FNDC3B: variants seen among roughly 807,000 people sequenced by gnomAD.
FNDC3B encodes fibronectin type III domain-containing protein 3B.
FNDC3B carries 12 observed loss-of-function variants against 151.5 expected under a neutral mutation model. The ratio of observed to expected loss-of-function variants is 0.08; its 90% CI spans 0.05 to 0.13. FNDC3B has a LOEUF of 0.13. Among genes scored for constraint, FNDC3B ranks in the 10% least tolerant of loss-of-function variants. The probability of loss-of-function intolerance (pLI) is 1.00; values close to 1 mark genes in which losing one functional copy is unlikely to be tolerated. For synonymous variants in FNDC3B, 528 were observed against 549.0 expected (o/e 0.96, Z 0.54); for missense variants, 1,214 against 1,505.3 (o/e 0.81, Z 3.20).
At chr3:172,362,869 C>G in intron 23 of FNDC3B, 24 bp downstream of exon 23, 1 of 1,561,848 alleles carries the variant, frequency 6.4e-7, no homozygotes, top group Non-Finnish European at 8.8e-7. Flanking sequence ...GAGGATGCTC[C>G]TGAAGCTTCT....
At chr3:172,120,584 G>A (rs1013234179) in intron 2 of FNDC3B, among the ~76,000 whole-genome samples, 4 of 151,744 alleles carry the variant, frequency 2.6e-5, no homozygotes, top group Non-Finnish European at 1.5e-5. Flanking sequence ...GGGTGTGTGT[G>A]TTGTTTTTGT....
At chr3:172,044,951 T>A (rs975821128) in intron 1 of FNDC3B, among the ~76,000 whole-genome samples, 1 of 152,212 alleles carries the variant, frequency 6.6e-6, no homozygotes, top group East Asian at 1.9e-4. Context: ...TCTAGCTGGG[T>A]CCTTGATAAG....
At chr3:172,178,593 T>C (rs1723727292) in intron 3 of FNDC3B, among the ~76,000 whole-genome samples, 1 of 151,962 alleles carries the variant, frequency 6.6e-6, no homozygotes, top group African/African-American at 2.4e-5. Context: ...GCTATGGGGG[T>C]AGCAGGAAAA....
At chr3:172,305,530 A>T (rs1197696085) in intron 9 of FNDC3B, among the ~76,000 whole-genome samples, 1 of 152,218 alleles carries the variant, frequency 6.6e-6, no homozygotes, top group Admixed American at 6.5e-5. Context: ...GTTTAATCAG[A>T]TACAGGTTCA....
At chr3:172,251,166 T>G (rs1315673911) in intron 5 of FNDC3B, 94 bp from the exon 6 acceptor site, 8 of 991,162 alleles carry the variant, frequency 8.1e-6, no homozygotes, top group Non-Finnish European at 1.2e-5. Flanking sequence ...CTTTATACTT[T>G]AGACTTCTTC....
chr3:172,229,628 A>G (rs1240621725), intron 4 of FNDC3B, among the ~76,000 whole-genome samples: 2 of 152,200 alleles, frequency 1.3e-5, no homozygotes, highest in Non-Finnish European at 2.9e-5. Flanking sequence ...GTCATCACCA[A>G]GAACTCATAT....
intron 3 of FNDC3B, among the ~76,000 whole-genome samples, chr3:172,224,802 C>T (rs1726467841): frequency 6.6e-6 from 1 of 152,186 alleles, no homozygotes; most frequent in African/African-American, 2.4e-5. Flanking sequence ...AGCAAATAAA[C>T]AATGCAAGGC....
chr3:172,385,536 A>G (rs989490335), intron 25 of FNDC3B, among the ~76,000 whole-genome samples: 1 of 151,732 alleles, frequency 6.6e-6, no homozygotes, highest in East Asian at 1.9e-4. Flanking sequence ...TAATAGGATA[A>G]TATCCTTTTC....
chr3:172,228,345 T>C (rs1726699774), intron 4 of FNDC3B, among the ~76,000 whole-genome samples: 1 of 152,220 alleles, frequency 6.6e-6, no homozygotes, highest in African/African-American at 2.4e-5. Context: ...AAGCATTTCA[T>C]TCCATTGAAT....
intron 2 of FNDC3B, among the ~76,000 whole-genome samples, chr3:172,130,529 G>C (rs924482299): frequency 1.8e-4 from 27 of 152,208 alleles, no homozygotes; most frequent in Admixed American, 5.2e-4. Context: ...GTAAGCAGGG[G>C]GGGAAGGTAT....
chr3:172,301,719 A>G (rs1730919468), intron 9 of FNDC3B: 1 of 152,192 alleles, frequency 6.6e-6, no homozygotes, highest in African/African-American at 2.4e-5. Flanking sequence ...TTAGCTGGGT[A>G]TGGTGATGTA....
At chr3:172,080,293 CAG>C (rs1175427348) in intron 1 of FNDC3B, among the ~76,000 whole-genome samples, 2 of 151,938 alleles carry the variant, frequency 1.3e-5, no homozygotes, top group East Asian at 1.9e-4. Flanking sequence ...TTTTAAGAGA[CAG>C]AGTCTTGCTT....
At chr3:172,149,434 G>A (rs1416269616) in intron 3 of FNDC3B, among the ~76,000 whole-genome samples, 1 of 152,182 alleles carries the variant, frequency 6.6e-6, no homozygotes, top group Non-Finnish European at 1.5e-5. Context: ...CTTAAAATAA[G>A]AGGATTAGAA....
chr3:172,376,862 AAAAG>A lies in FNDC3B; in HGVS notation c.3009-1400_3009-1397del, dbSNP rs1020038408. ...GACAGGCTTTGTTAAAAAAAAAAAA[AAAAG>A]AAAGAAAAGAAAAGAAAAAGAAAAG... On this transcript the variant is annotated intron_variant, in intron 23 of 25. Transcript: ENST00000415807. Among the ~76,000 whole-genome samples the A allele has an allele frequency of 5.7e-3, 483 of 84,914 alleles. 1 individual carries two copies. Among genetic ancestry groups the A allele is most frequent in the African/African-American group, 9.0e-3 (203 of 22,446 alleles). The allele number at this position is 84,914 out of a possible 152,430, so 55.7% of individuals were successfully genotyped here.
At chr3:172,336,920 A>C (rs1037351801) in intron 15 of FNDC3B, among the ~76,000 whole-genome samples, 27 of 152,238 alleles carry the variant, frequency 1.8e-4, no homozygotes, top group African/African-American at 6.5e-4. Context: ...AAAAAAAAAA[A>C]AACAAAAGAA....
chr3:172,363,253 A>T (rs902193754), intron 23 of FNDC3B, among the ~76,000 whole-genome samples: 2 of 152,214 alleles, frequency 1.3e-5, no homozygotes, highest in African/African-American at 2.4e-5. Context: ...CATGTTTACC[A>T]ATGTGAAATA....
At chr3:172,046,564 C>G (rs570331823) in intron 1 of FNDC3B, among the ~76,000 whole-genome samples, 7 of 152,056 alleles carry the variant, frequency 4.6e-5, no homozygotes, top group Admixed American at 2.6e-4. Flanking sequence ...TTGAAGCAAT[C>G]CCCCCGCTTC....
intron 2 of FNDC3B, among the ~76,000 whole-genome samples, chr3:172,125,506 C>T (rs911768846): frequency 6.6e-6 from 1 of 152,116 alleles, no homozygotes; most frequent in Non-Finnish European, 1.5e-5. Context: ...GGTTCCTCCC[C>T]CGTGGGAGTC....
chr3:172,391,336 A>G (rs1036331471), intron 25 of FNDC3B, among the ~76,000 whole-genome samples: 2 of 152,182 alleles, frequency 1.3e-5, no homozygotes, highest in Non-Finnish European at 2.9e-5. Context: ...TAGTGTTACT[A>G]TTAGGTCCTG....
Sources: allele counts gnomAD v4.1 joint callset (sites outside exome capture counted in the v4.1 genomes callset), GRCh38; gene constraint gnomAD v4.1.1; transcripts MANE v1.5; gene names NCBI Gene and HGNC (gene_info 2026-07-23, HGNC 2026-07-21).